The following L3MBTL3 variants were observed in gnomAD, a reference collection of about 807,000 sequenced individuals.
L3MBTL3 encodes lethal(3)malignant brain tumor-like protein 3.
Under a neutral mutation model 102.3 loss-of-function variants are expected in L3MBTL3, and 27 were observed. The observed-to-expected ratio is 0.26, with a 90% CI of 0.19 to 0.36. The LOEUF (loss-of-function observed/expected upper bound fraction) is 0.36. Among genes scored for constraint, L3MBTL3 ranks in the 10% least tolerant of loss-of-function variants. L3MBTL3 has a pLI of 1.00. For synonymous variants in L3MBTL3, 340 were observed against 320.9 expected, an observed-to-expected ratio of 1.06 and a Z score of -0.64; for missense variants, 798 against 955.3, an observed-to-expected ratio of 0.84 and a Z score of 2.17.
At chr6:130,108,252 T>TTTTTTTTG in intron 19 of L3MBTL3, among the ~76,000 whole-genome samples, 1 of 146,828 alleles carries the variant, frequency 6.8e-6, no homozygotes, top group Non-Finnish European at 1.5e-5. Context: ...TTTTTTTTTT[T>TTTTTTTTG]TAGATGGAGT....
intron 2 of L3MBTL3, among the ~76,000 whole-genome samples, chr6:130,030,987 A>G (rs924541840): frequency 5.3e-5 from 8 of 152,162 alleles, no homozygotes; most frequent in African/African-American, 1.7e-4. Flanking sequence ...TGTTAGGCTT[A>G]TGGGCTTTGT....
intron 16 of L3MBTL3, among the ~76,000 whole-genome samples, chr6:130,091,189 G>C (rs1435212579): frequency 2.0e-5 from 3 of 152,120 alleles, no homozygotes; most frequent in Non-Finnish European, 4.4e-5. Context: ...TACAAAGGCT[G>C]ATCCACTCTG....
At chr6:130,126,823 A>C (rs2114345476) in intron 20 of L3MBTL3, among the ~76,000 whole-genome samples, 1 of 152,318 alleles carries the variant, frequency 6.6e-6, no homozygotes, top group Admixed American at 6.5e-5. Context: ...AATAGGAGAA[A>C]GAGGCATACA....
intron 19 of L3MBTL3, among the ~76,000 whole-genome samples, chr6:130,119,555 C>T (rs568022910): frequency 2.6e-5 from 4 of 152,200 alleles, no homozygotes; most frequent in African/African-American, 7.2e-5. Flanking sequence ...TTTACCGTAG[C>T]TTCATCCTTC....
At chr6:130,074,636 C>T (rs1407669530) in intron 13 of L3MBTL3, among the ~76,000 whole-genome samples, 1 of 152,194 alleles carries the variant, frequency 6.6e-6, no homozygotes, top group Non-Finnish European at 1.5e-5. Flanking sequence ...CTCTTTTCTT[C>T]CAGGCACTAG....
chr6:130,049,860 A>G (rs757916251), intron 5 of L3MBTL3, 30 bp downstream of exon 5: 6 of 1,589,064 alleles, frequency 3.8e-6, no homozygotes, highest in East Asian at 2.3e-5. Flanking sequence ...TCTGAAATGC[A>G]ATTCATTTTC....
Position 130,078,578 on chromosome 6 carries a change from A to G in L3MBTL3, c.1265A>G (p.His422Arg). The G allele has an allele frequency of 6.2e-7, 1 of 1,611,878 alleles. No homozygotes were observed. Among genetic ancestry groups the G allele is most frequent in the Non-Finnish European group, 8.5e-7 (1 of 1,178,458 alleles). The change falls in exon 14 of 23, where the codon CAT becomes CGT. Residue 422 changes from histidine (H) to arginine (R), a missense_variant. Physicochemically the swap from His to Arg is conservative, Grantham distance 29 (BLOSUM62 0). This residue lies in a region of L3MBTL3 where 10 missense variants were observed against 27.4 expected (regional missense o/e 0.37). Transcript: ENST00000361794. ...TTCAGGTGTGAAGCATCAAGTCCAC[A>G]TATTCATCCAGTTGGTTGGTGTAAG... ...YDYWCEASSPHIHPVGWCKEH... is the reference protein window; with the variant it reads ...YDYWCEASSPRIHPVGWCKEH...
chr6:130,132,157 C>T (rs985284218), intron 20 of L3MBTL3, among the ~76,000 whole-genome samples: 1 of 152,144 alleles, frequency 6.6e-6, no homozygotes, highest in Non-Finnish European at 1.5e-5. Context: ...ATAGAGTATT[C>T]ACAGCCACAA....
intron 12 of L3MBTL3, among the ~76,000 whole-genome samples, chr6:130,070,069 C>T (rs887494258): frequency 6.6e-6 from 1 of 152,064 alleles, no homozygotes; most frequent in Non-Finnish European, 1.5e-5. Flanking sequence ...AGAATAATAT[C>T]TGTATAATTG....
chr6:130,101,244 G>A (rs953322386), intron 18 of L3MBTL3, among the ~76,000 whole-genome samples: 2 of 152,160 alleles, frequency 1.3e-5, no homozygotes, highest in Non-Finnish European at 2.9e-5. Flanking sequence ...GGAACTAGTT[G>A]TGTTTATCTT....
chr6:130,077,125 T>A (rs1783004055), intron 13 of L3MBTL3, among the ~76,000 whole-genome samples: 2 of 151,936 alleles, frequency 1.3e-5, no homozygotes, highest in Admixed American at 6.6e-5. Context: ...ATATTATATA[T>A]ATGTTATTTT....
rs375645377 is a variant in L3MBTL3 at position 130,133,917 on chromosome 6, A to G, written c.2199+12A>G. 2 of 1,593,858 alleles carry G rather than the reference A, an allele frequency of 1.3e-6. No homozygotes were observed. Among genetic ancestry groups the G allele is most frequent in the Non-Finnish European group, 1.7e-6 (2 of 1,161,886 alleles). On this transcript the variant is annotated intron_variant, in intron 22 of 22. Coordinates refer to ENST00000361794, the MANE Select transcript of L3MBTL3 (RefSeq NM_032438.4). The surrounding 1 kb of genome is among the most constrained non-coding windows in gnomAD (Gnocchi z 4.9). ...TATTTAAAGATGAAGTAAGTATTCCACTAAATTGCAATATGTTACTTAATG... is the reference window on the plus strand; with the variant it reads ...TATTTAAAGATGAAGTAAGTATTCCGCTAAATTGCAATATGTTACTTAATG...
intron 9 of L3MBTL3, among the ~76,000 whole-genome samples, chr6:130,059,465 T>C (rs1480279871): frequency 1.3e-5 from 2 of 152,382 alleles, no homozygotes; most frequent in African/African-American, 2.4e-5. Context: ...TTCTTCCCTA[T>C]TGATTTGCAC....
At chr6:130,087,127 A>T (rs7762151) in intron 16 of L3MBTL3, among the ~76,000 whole-genome samples, 7 of 152,166 alleles carry the variant, frequency 4.6e-5, no homozygotes, top group Admixed American at 1.3e-4. Flanking sequence ...TGCCCTTTTT[A>T]AAAAAATTAC....
At chr6:130,069,696 G>C (rs1054334130) in intron 12 of L3MBTL3, among the ~76,000 whole-genome samples, 3 of 152,206 alleles carry the variant, frequency 2.0e-5, no homozygotes, top group Admixed American at 1.3e-4. Flanking sequence ...CCTAATCCCT[G>C]TCTGGTTCTC....
Position 130,130,461 on chromosome 6 carries a change from A to G in L3MBTL3, c.1967-2991A>G, listed in dbSNP as rs75302645. On this transcript the variant is annotated intron_variant, in intron 20 of 22. Coordinates refer to ENST00000361794, the MANE Select transcript of L3MBTL3 (RefSeq NM_032438.4). ...GTAGAATTGGAAATCTTACCATTTC[A>G]TATAAAGCTGTCTTATAAAATATGT... Among the ~76,000 whole-genome samples, 13 of 152,326 alleles carry G rather than the reference A, an allele frequency of 8.5e-5. 1 individual carries two copies. In the East Asian group the frequency reaches 2.5e-3, roughly 29 times the overall value.
chr6:130,080,479 C>T (rs940956649), intron 14 of L3MBTL3, among the ~76,000 whole-genome samples: 3 of 152,152 alleles, frequency 2.0e-5, no homozygotes, highest in South Asian at 2.1e-4. Context: ...CCCTTCTTTC[C>T]GTACCACCAT....
chr6:130,079,506 T>C (rs929281032), intron 14 of L3MBTL3, among the ~76,000 whole-genome samples: 5 of 152,142 alleles, frequency 3.3e-5, no homozygotes, highest in Admixed American at 2.0e-4. Flanking sequence ...TGTGCGTACA[T>C]CACTACTCAA....
intron 10 of L3MBTL3, among the ~76,000 whole-genome samples, chr6:130,060,961 G>A (rs1781855630): frequency 6.6e-6 from 1 of 151,930 alleles, no homozygotes; most frequent in Non-Finnish European, 1.5e-5. Flanking sequence ...TAAGAAAGTT[G>A]GCTTCTGCAG....
Sources: gnomAD v4.1 joint callset for allele counts (sites outside exome capture counted in the v4.1 genomes callset) on GRCh38, gnomAD v4.1.1 for gene constraint, gnomAD v4.1.1 regional missense constraint, Gnocchi (gnomAD v3.1) non-coding constraint, MANE v1.5 for transcripts, NCBI Gene and HGNC (gene_info 2026-07-23, HGNC 2026-07-21) for gene names.